MTCL1: variants seen among roughly 807,000 people sequenced by gnomAD.
MTCL1 encodes the protein microtubule cross-linking factor 1.
Under a neutral mutation model 141.4 loss-of-function variants are expected in MTCL1, and 79 were observed. The observed-to-expected ratio is 0.56, with a 90% CI of 0.47 to 0.67. The LOEUF (loss-of-function observed/expected upper bound fraction) is 0.67. Ranked by LOEUF, MTCL1 falls within the 30% of genes least tolerant of loss-of-function variation. The pLI is 0.00. For missense variants in MTCL1, 2,177 were observed against 2,113.9 expected, an observed-to-expected ratio of 1.03 and a Z score of -0.59; for synonymous variants, 914 against 875.8, an observed-to-expected ratio of 1.04 and a Z score of -0.77.
upstream of MTCL1, among the ~76,000 whole-genome samples, chr18:8,713,765 T>C (rs553717113): frequency 1.3e-5 from 2 of 152,292 alleles, no homozygotes; most frequent in East Asian, 3.9e-4. Flanking sequence ...TTTTAGAATC[T>C]CAGTTTCCTC....
chr18:8,784,557 C>A, exon 6 of MTCL1: 1 of 1,607,216 alleles, frequency 6.2e-7, no homozygotes, highest in Non-Finnish European at 8.5e-7. Context: ...CTCCATGATG[C>A]GGGGCTGCGG....
At chr18:8,708,876 TTCC>T (rs2096071920) in intron 1 of MTCL1, among the ~76,000 whole-genome samples, 1 of 152,152 alleles carries the variant, frequency 6.6e-6, no homozygotes, top group Admixed American at 6.5e-5. Context: ...CTCCCCACTG[TTCC>T]TCCGACAGCA....
chr18:8,825,179 G>C (rs149764588), exon 15 of MTCL1: 4 of 1,580,316 alleles, frequency 2.5e-6, no homozygotes, highest in Non-Finnish European at 2.6e-6. Flanking sequence ...GAGGGAGCCC[G>C]GGAGACACCA....
chr18:8,770,936 G>A (rs1221857220), intron 4 of MTCL1, among the ~76,000 whole-genome samples: 2 of 151,982 alleles, frequency 1.3e-5, no homozygotes, highest in African/African-American at 4.8e-5. Context: ...AAAGGGATAG[G>A]TGAAAACATA....
At chr18:8,818,236 A>G (rs1296214899) in intron 12 of MTCL1, among the ~76,000 whole-genome samples, 1 of 152,136 alleles carries the variant, frequency 6.6e-6, no homozygotes, top group Non-Finnish European at 1.5e-5. Flanking sequence ...GCCACACGTT[A>G]ATGGTTCCAA....
chr18:8,818,073 G>A (rs1025204307), intron 12 of MTCL1, among the ~76,000 whole-genome samples: 11 of 152,132 alleles, frequency 7.2e-5, no homozygotes, highest in African/African-American at 2.7e-4. Context: ...ATCTAGTGCC[G>A]CAAAACAGCC....
chr18:8,706,603 A>AC lies in MTCL1; in HGVS notation c.948dup (p.Lys317GlnfsTer37). On this transcript the variant is annotated frameshift_variant, in exon 1 of 14. Coordinates refer to the MTCL1 transcript ENST00000306329. LOFTEE classifies it high-confidence loss of function. ...GCCACCGGAGCGACCAGTCCCCGGGACCCCCAAGGAGCCCAGCCTGGGCGA... is the reference window on the plus strand; with the variant it reads ...GCCACCGGAGCGACCAGTCCCCGGGACCCCCCAAGGAGCCCAGCCTGGGCGA... 2.0e-6 allele frequency: 3 copies of AC among 1,522,836 alleles called. No homozygotes were observed. Among genetic ancestry groups the AC allele is most frequent in the Non-Finnish European group, 2.6e-6 (3 of 1,135,994 alleles). The allele number at this position is 1,522,836 out of a possible 1,614,324, so 94.3% of individuals were successfully genotyped here.
Position 8,778,278 on chromosome 18 carries a change from ATGT to A in MTCL1, c.417+394_417+396del, listed in dbSNP as rs372361638. 5.6e-4 allele frequency among the ~76,000 whole-genome samples: 86 copies of A among 152,354 alleles called. 1 individual carries two copies. Among genetic ancestry groups the A allele is most frequent in the Middle Eastern group, 3.4e-3 (1 of 294 alleles). ...AGTCATTCATAAGACATTGTTTTGA[ATGT>A]TGTTGTTTTTTAAATGTGCAAGCTG... On this transcript the variant is annotated intron_variant, in intron 5 of 16. Coordinates refer to ENST00000359865, the Ensembl canonical transcript of MTCL1.
At chr18:8,747,448 C>T (rs1440147072) in intron 4 of MTCL1, among the ~76,000 whole-genome samples, 1 of 152,320 alleles carries the variant, frequency 6.6e-6, no homozygotes, top group East Asian at 1.9e-4. Context: ...TGGTGCTTTG[C>T]TCCCTGGCTT....
intron 4 of MTCL1, among the ~76,000 whole-genome samples, chr18:8,731,194 A>G (rs940099016): frequency 3.9e-5 from 6 of 152,048 alleles, no homozygotes; most frequent in South Asian, 4.2e-4. Context: ...GCAGTGAGCC[A>G]AGATTGTGCC....
chr18:8,791,231 A>C (rs556645593), intron 7 of MTCL1, among the ~76,000 whole-genome samples: 2 of 152,180 alleles, frequency 1.3e-5, no homozygotes, highest in Non-Finnish European at 2.9e-5. Context: ...GGCAGGGAGC[A>C]GGGAGGCAGC....
chr18:8,793,690 C>T (rs1164504804), intron 8 of MTCL1, among the ~76,000 whole-genome samples: 1 of 152,290 alleles, frequency 6.6e-6, no homozygotes, highest in South Asian at 2.1e-4. Flanking sequence ...AGCCCAATCC[C>T]GGCCACCCCA....
rs114829264 is a variant in MTCL1, at chr18:8,795,201, T to G, written c.2011-1031T>G. On this transcript the variant is annotated intron_variant, in intron 8 of 16. Coordinates refer to ENST00000359865, the Ensembl canonical transcript of MTCL1. ...GCTGCCTCTGACTCTTCACTGGCCT[T>G]TAGCACATTGGCCTCGGGCAGCTGT... Among the ~76,000 whole-genome samples, 683 of 152,342 alleles carry G rather than the reference T, an allele frequency of 4.5e-3. 6 individuals are homozygous for G. The highest frequency in any genetic ancestry group is 0.016 in the African/African-American group (648 of 41,582).
chr18:8,716,545 T>G (rs577772846), upstream of MTCL1, among the ~76,000 whole-genome samples: 2 of 151,076 alleles, frequency 1.3e-5, no homozygotes, highest in Admixed American at 1.3e-4. Context: ...GATAAACACA[T>G]CTTCAGGAGA....
chr18:8,825,510 C>T lies in MTCL1; in HGVS notation c.4000C>T (p.Leu1334=), dbSNP rs559358010. 27 of 1,612,124 alleles carry T rather than the reference C, an allele frequency of 1.7e-5. No individual in the cohort carries two copies. In the South Asian group the frequency reaches 2.3e-4, roughly 14 times the overall value. ...CAGTGTGGGCTTGCAGACTGAAGCCCTGCGTGGCAGCGGTGTCACCAGCAG... is the reference window on the plus strand; with the variant it reads ...CAGTGTGGGCTTGCAGACTGAAGCCTTGCGTGGCAGCGGTGTCACCAGCAG... Residue 1334 remains leucine (L), a synonymous_variant, in exon 15 of 17, where the codon CTG becomes TTG. Coordinates refer to ENST00000359865, the Ensembl canonical transcript of MTCL1.
intron 1 of MTCL1, among the ~76,000 whole-genome samples, chr18:8,711,424 C>T (rs1328018669): frequency 6.8e-6 from 1 of 146,074 alleles, no homozygotes; most frequent in Admixed American, 6.9e-5. Context: ...ATGGCTGGGT[C>T]AAATGGTATT....
intron 16 of MTCL1, 93 bp from the exon 15 acceptor site, chr18:8,831,514 C>A: frequency 6.7e-7 from 1 of 1,500,612 alleles, no homozygotes; most frequent in Non-Finnish European, 8.9e-7. Context: ...TACTTCATCT[C>A]ACTTGAGTCT....
chr18:8,705,606 C>CCGCCGCCGCCGTCGT, upstream of MTCL1: 5 of 1,198,814 alleles, frequency 4.2e-6, no homozygotes, highest in Non-Finnish European at 3.1e-6. The surrounding 1 kb of genome is among the most constrained non-coding windows in gnomAD (Gnocchi z 5.2). Flanking sequence ...GCCGCCGCCG[C>CCGCCGCCGCCGTCGT]CGCCGTCGTC....
At chr18:8,745,381 C>T (rs139322119) in intron 4 of MTCL1, among the ~76,000 whole-genome samples, 1,791 of 152,246 alleles carry the variant, frequency 0.012, 39 homozygotes, top group African/African-American at 0.037. Context: ...AACCAAGAGA[C>T]GGAGTCGCAC....
Sources: gnomAD v4.1 joint callset for allele counts (sites outside exome capture counted in the v4.1 genomes callset) on GRCh38, gnomAD v4.1.1 for gene constraint, Gnocchi (gnomAD v3.1) non-coding constraint, MANE v1.5 for transcripts, NCBI Gene and HGNC (gene_info 2026-07-23, HGNC 2026-07-21) for gene names.